The following ZNF212 variants were observed in gnomAD, a reference collection of about 807,000 sequenced individuals.
The protein encoded by ZNF212 is Zinc finger protein C2H2-150.
Under a neutral mutation model 47.3 loss-of-function variants are expected in ZNF212, and 32 were observed. That is an observed-to-expected ratio of 0.68 (90% confidence interval 0.51 to 0.91). The LOEUF is 0.91. Ranked by LOEUF, ZNF212 falls within the 40% of genes least tolerant of loss-of-function variation. The pLI is 0.00. For synonymous variants in ZNF212, 242 were observed against 253.8 expected (o/e 0.95, Z 0.44); for missense variants, 555 against 622.8 (o/e 0.89, Z 1.16).
At chr7:149,240,387 C>G (rs532435151) in intron 1 of ZNF212, among the ~76,000 whole-genome samples, 1,792 of 149,876 alleles carry the variant, frequency 0.012, 34 homozygotes, top group African/African-American at 0.02. Context: ...CCTTCACCCC[C>G]CCCCCAACAC....
At chr7:149,248,712 A>G (rs758422033) in intron 1 of ZNF212, among the ~76,000 whole-genome samples, 15 of 152,230 alleles carry the variant, frequency 9.9e-5, no homozygotes, top group Non-Finnish European at 2.1e-4. Context: ...ACATGATGGC[A>G]TGCATATATC....
intron 3 of ZNF212, among the ~76,000 whole-genome samples, chr7:149,251,751 A>G (rs1289257294): frequency 6.6e-6 from 1 of 151,680 alleles, no homozygotes; most frequent in East Asian, 1.9e-4. Context: ...CGGCCTCCCA[A>G]AGTGCAGGGA....
intron 3 of ZNF212, among the ~76,000 whole-genome samples, chr7:149,251,917 C>T (rs899040323): frequency 2.1e-4 from 28 of 134,164 alleles, no homozygotes; most frequent in Admixed American, 5.9e-4. Flanking sequence ...TCAGCCTGGT[C>T]GACATAGTGA....
intron 1 of ZNF212, among the ~76,000 whole-genome samples, chr7:149,240,506 G>C (rs1450460080): frequency 6.6e-6 from 1 of 151,808 alleles, no homozygotes; most frequent in African/African-American, 2.4e-5. Context: ...TGTCCATTTG[G>C]GTGATTTTAG....
At chr7:149,253,088 CAG>C (rs1453110106) in intron 4 of ZNF212, among the ~76,000 whole-genome samples, 1 of 152,062 alleles carries the variant, frequency 6.6e-6, no homozygotes, top group African/African-American at 2.4e-5. Flanking sequence ...GTAGGTATGT[CAG>C]AGCTTCAGGA....
At chr7:149,242,565 T>C (rs911508116) in intron 1 of ZNF212, among the ~76,000 whole-genome samples, 2 of 152,190 alleles carry the variant, frequency 1.3e-5, no homozygotes, top group Admixed American at 1.3e-4. Flanking sequence ...AATGACAGTT[T>C]GCTACCAATA....
Position 149,252,734 on chromosome 7 carries a change from G to A in ZNF212, c.570G>A (p.Ala190=), listed in dbSNP as rs568632772. The A allele has an allele frequency of 2.0e-5, 33 of 1,614,136 alleles. No individual in the cohort carries two copies. Among genetic ancestry groups the A allele is most frequent in the African/African-American group, 5.3e-5 (4 of 75,038 alleles). The part of the protein sequence containing the change: ...LKVLGQTEGE[A]ELGTEMLGDL... ...TCCTTGGCCAGACAGAGGGAGAAGC[G>A]GAGTTGGGTACAGAGATGCTGGGTG... Residue 190 remains alanine, a synonymous_variant, in exon 4 of 5, where the codon GCG becomes GCA. Coordinates refer to ENST00000335870, the MANE Select transcript of ZNF212 (RefSeq NM_012256.4).
chr7:149,251,677 C>T (rs1264795412), intron 3 of ZNF212, among the ~76,000 whole-genome samples: 1 of 151,250 alleles, frequency 6.6e-6, no homozygotes, highest in African/African-American at 2.4e-5. Context: ...TTTGTAGAGA[C>T]GTGGGTCTTA....
In ZNF212 at chr7:149,253,559, C is replaced by T. The variant is rs776674579; in HGVS notation, c.632C>T (p.Ala211Val). The change falls in exon 5 of 5, where the codon GCA (alanine) becomes GTA (valine). Residue 211 changes from alanine to valine, a missense_variant and splice_region_variant. Transcript: ENST00000335870. ...EEEGPGGAHP[A>V]GGVMIKQELQ... ...TTGTTGGTCTTCTTCCACTTTGCAG[C>T]AGGTGGGGTCATGATCAAACAGGAG... The T allele has an allele frequency of 2.5e-6, 4 of 1,592,738 alleles. No individual in the cohort carries two copies. In the South Asian group the frequency reaches 3.3e-5, roughly 13 times the overall value.
chr7:149,249,500 A>T (rs991741898), intron 1 of ZNF212, among the ~76,000 whole-genome samples: 6 of 152,248 alleles, frequency 3.9e-5, no homozygotes, highest in Non-Finnish European at 5.9e-5. Flanking sequence ...CAGGAGTCTC[A>T]GAGAATATGC....
At position 149,239,659 on chromosome 7, in the gene ZNF212, C is replaced by A. The variant is rs949867864; in HGVS notation, c.-120C>A. ...GGGAGGTCGCTGCTCCCAGAATGCA[C>A]CTGGCATCAACACGGCGGCGGCGGC... On this transcript the variant is annotated 5_prime_UTR_variant, in exon 1 of 5. Coordinates refer to ENST00000335870, the MANE Select transcript of ZNF212 (RefSeq NM_012256.4). 23 of 754,744 alleles carry A rather than the reference C, an allele frequency of 3.0e-5. No homozygotes were observed. The highest frequency in any genetic ancestry group is 4.3e-4 in the Middle Eastern group (1 of 2,332). 46.8% of individuals were successfully genotyped at this position (754,744 alleles called of 1,614,324 possible).
intron 1 of ZNF212, among the ~76,000 whole-genome samples, chr7:149,249,384 T>C (rs1296333453): frequency 6.6e-6 from 1 of 152,328 alleles, no homozygotes; most frequent in East Asian, 1.9e-4. Context: ...CATGATCAAC[T>C]ATGAAGTCTG....
chr7:149,252,229 G>A (rs140568157), intron 3 of ZNF212, among the ~76,000 whole-genome samples: 5 of 152,298 alleles, frequency 3.3e-5, no homozygotes, highest in Admixed American at 3.3e-4. Flanking sequence ...CAGAGTAGGA[G>A]GTAAAGGAAA....
rs553368420 is a variant in ZNF212 at position 149,239,712 on chromosome 7, C to A, written c.-67C>A. 1 of 1,281,720 alleles carries A rather than the reference C, an allele frequency of 7.8e-7. No homozygotes were observed. The highest frequency in any genetic ancestry group is 9.9e-7 in the Non-Finnish European group (1 of 1,008,974). 79.4% of individuals were successfully genotyped at this position (1,281,720 alleles called of 1,614,324 possible). A position where few individuals can be genotyped will look rare whatever the true frequency, so the allele number is the denominator to read the frequency against. ...CGGCTTCCAACAGGCTCTGGGGCGC[C>A]GAGCGGACAGGAACGCAGCACGGGG... On this transcript the variant is annotated 5_prime_UTR_variant, in exon 1 of 5. Coordinates refer to ENST00000335870, the MANE Select transcript of ZNF212 (RefSeq NM_012256.4).
intron 1 of ZNF212, among the ~76,000 whole-genome samples, chr7:149,246,270 T>G (rs924385791): frequency 3.2e-4 from 48 of 152,268 alleles, no homozygotes; most frequent in Non-Finnish European, 6.0e-4. Flanking sequence ...CAGTAAAATT[T>G]ACTCTTTAGG....
chr7:149,239,987 C>CT, intron 1 of ZNF212, 185 bp downstream of exon 1: 2 of 677,386 alleles, frequency 3.0e-6, no homozygotes, highest in East Asian at 3.4e-5. Context: ...CCTCCGCTTC[C>CT]TTCTGCAGCG....
intron 3 of ZNF212, among the ~76,000 whole-genome samples, chr7:149,251,686 T>TA (rs1796761788): frequency 6.6e-6 from 1 of 151,802 alleles, no homozygotes; most frequent in South Asian, 2.1e-4. Context: ...ACGTGGGTCT[T>TA]ACTGTGTTGC....
chr7:149,249,922 G>A (rs1482249818), intron 1 of ZNF212, among the ~76,000 whole-genome samples: 2 of 152,126 alleles, frequency 1.3e-5, no homozygotes, highest in Non-Finnish European at 2.9e-5. Context: ...AGCCACCACG[G>A]CCAGCCCTAA....
rs942623156 is a variant in ZNF212 at position 149,254,132 on chromosome 7, T to C, written c.1205T>C (p.Val402Ala). 1.9e-6 allele frequency: 3 copies of C among 1,613,886 alleles called. No individual in the cohort carries two copies. Among genetic ancestry groups the C allele is most frequent in the African/African-American group, 2.7e-5 (2 of 74,926 alleles). ...LQEGPSAGQHVQERFSPNSLV... is the reference protein window; with the variant it reads ...LQEGPSAGQHAQERFSPNSLV... ...GAGGGGCCCAGTGCCGGCCAGCATG[T>C]CCAAGAGAGGTTCTCACCCAACAGC... Residue 402 changes from valine to alanine, a missense_variant, in exon 5 of 5, where the codon GTC becomes GCC. Coordinates refer to ENST00000335870, the MANE Select transcript of ZNF212 (RefSeq NM_012256.4). This position sits in a 1 kb window ranked among gnomAD's most constrained non-coding sequence, Gnocchi z 4.5.
Sources: allele counts gnomAD v4.1 joint callset (sites outside exome capture counted in the v4.1 genomes callset), GRCh38; gene constraint gnomAD v4.1.1; non-coding constraint Gnocchi (gnomAD v3.1); transcripts MANE v1.5; gene names NCBI Gene and HGNC (gene_info 2026-07-23, HGNC 2026-07-21).